HCN2: variants seen among roughly 807,000 people sequenced by gnomAD.
HCN2 encodes the protein hyperpolarization activated cyclic nucleotide gated potassium and sodium channel 2, also known as potassium/sodium hyperpolarization-activated cyclic nucleotide-gated channel 2.
Under a neutral mutation model 52.3 loss-of-function variants are expected in HCN2, and 20 were observed. That is an observed-to-expected ratio of 0.38 (90% CI 0.27 to 0.56). HCN2 has a LOEUF of 0.56. Among genes scored for constraint, HCN2 ranks in the 20% least tolerant of loss-of-function variants. The pLI is 0.71. For missense variants in HCN2, 981 were observed against 1,207.7 expected (o/e 0.81, Z 2.78); for synonymous variants, 694 against 537.0 (o/e 1.29, Z -4.04).
intron 1 of HCN2, among the ~76,000 whole-genome samples, chr19:593,142 C>T (rs34024843): frequency 0.28 from 43,328 of 152,180 alleles, 7,181 homozygotes; most frequent in African/African-American, 0.46. Flanking sequence ...GCTGTCTCCG[C>T]CACGCCCAAG....
At chr19:607,246 A>C (rs960525753) in intron 3 of HCN2, among the ~76,000 whole-genome samples, 1 of 152,220 alleles carries the variant, frequency 6.6e-6, no homozygotes, top group Non-Finnish European at 1.5e-5. Context: ...GACTGTTAAG[A>C]AGGGTTAGTT....
At chr19:615,743 C>T in intron 7 of HCN2, 52 bp from the exon 8 acceptor site, 1 of 1,590,448 alleles carries the variant, frequency 6.3e-7, no homozygotes, top group Non-Finnish European at 8.6e-7. Context: ...TCGGTGCCCG[C>T]TGTACGCAGC....
chr19:610,214 C>T (rs980744228), intron 4 of HCN2, 45 bp from the exon 5 acceptor site: 2 of 1,570,616 alleles, frequency 1.3e-6, no homozygotes, highest in East Asian at 2.3e-5. Flanking sequence ...GTGCCCGCTG[C>T]AGGCCGGGGG....
chr19:605,272 A>AG (rs761920931), intron 3 of HCN2, 50 bp downstream of exon 3: 56 of 1,584,058 alleles, frequency 3.5e-5, no homozygotes, highest in East Asian at 1.3e-4. Flanking sequence ...TCCCATACAG[A>AG]GGGGGGACCC....
chr19:613,912 G>A lies in HCN2; in HGVS notation c.1886G>A (p.Arg629His). The A allele has an allele frequency of 6.2e-7, 1 of 1,601,964 alleles. No individual in the cohort carries two copies. ...AGCGTGCGGGCTGACACCTACTGCC[G>A]CCTCTATTCGCTGAGCGTGGACAAC... ...TASVRADTYCRLYSLSVDNFN... is the reference protein window; with the variant it reads ...TASVRADTYCHLYSLSVDNFN... Residue 629 changes from arginine to histidine, a missense_variant, in exon 7 of 8, where the codon CGC becomes CAC. Physicochemically the swap from Arg to His is conservative, Grantham distance 29. This residue lies in a region of HCN2 where 85 missense variants were observed against 106.1 expected (regional missense o/e 0.80). Coordinates refer to ENST00000251287, the MANE Select transcript of HCN2 (RefSeq NM_001194.4).
At chr19:611,388 C>A in intron 5 of HCN2, among the ~76,000 whole-genome samples, 1 of 152,262 alleles carries the variant, frequency 6.6e-6, no homozygotes, top group East Asian at 1.9e-4. Flanking sequence ...TCAGCAAGGC[C>A]GTGTGTGAGC....
At chr19:615,474 A>C (rs1983856849) in intron 7 of HCN2, among the ~76,000 whole-genome samples, 1 of 152,202 alleles carries the variant, frequency 6.6e-6, no homozygotes, top group African/African-American at 2.4e-5. Context: ...AGATCGCGCC[A>C]CTGCACTCCA....
Sources: gnomAD v4.1 joint callset for allele counts (sites outside exome capture counted in the v4.1 genomes callset) on GRCh38, gnomAD v4.1.1 for gene constraint, gnomAD v4.1.1 regional missense constraint, MANE v1.5 for transcripts, NCBI Gene and HGNC (gene_info 2026-07-23, HGNC 2026-07-21) for gene names.